The following PFKFB3 variants were observed in gnomAD, a reference collection of about 807,000 sequenced individuals.
The protein encoded by PFKFB3 is 6-phosphofructo-2-kinase/fructose-2,6-bisphosphatase 3.
In PFKFB3, 33 loss-of-function variants were observed where a neutral mutation model predicts 68.0. The observed-to-expected ratio is 0.49, with a 90% CI of 0.37 to 0.65. The LOEUF (loss-of-function observed/expected upper bound fraction) is 0.65. Ranked by LOEUF, PFKFB3 falls within the 30% of genes least tolerant of loss-of-function variation. The pLI is 0.00. For missense variants in PFKFB3, 586 were observed against 712.2 expected (o/e 0.82, Z 2.02); for synonymous variants, 315 against 288.2 (o/e 1.09, Z -0.94).
At chr10:6,170,207 A>G (rs1008397876) in intron 1 of PFKFB3, among the ~76,000 whole-genome samples, 1 of 152,210 alleles carries the variant, frequency 6.6e-6, no homozygotes, top group Non-Finnish European at 1.5e-5. Flanking sequence ...AACAGAGGTG[A>G]TGGTGTGTCT....
At chr10:6,182,562 A>G (rs1842746889) in intron 1 of PFKFB3, among the ~76,000 whole-genome samples, 1 of 152,196 alleles carries the variant, frequency 6.6e-6, no homozygotes, top group Non-Finnish European at 1.5e-5. Flanking sequence ...ACTGTGTTTC[A>G]TCACAAGTGC....
At chr10:6,291,749 A>C in the PFKFB3 span, among the ~76,000 whole-genome samples, 1 of 152,142 alleles carries the variant, frequency 6.6e-6, no homozygotes, top group Non-Finnish European at 1.5e-5. Context: ...TGTACATTTC[A>C]GATTAATAGA....
the PFKFB3 span, among the ~76,000 whole-genome samples, chr10:6,273,197 C>T: frequency 3.3e-5 from 5 of 151,836 alleles, no homozygotes; most frequent in African/African-American, 7.3e-5. Context: ...TCAGTAGAGA[C>T]GGGGTTTGCT....
chr10:6,315,797 AT>A, the PFKFB3 span, among the ~76,000 whole-genome samples: 2 of 152,146 alleles, frequency 1.3e-5, no homozygotes, highest in Non-Finnish European at 2.9e-5. Flanking sequence ...TGTCCCTAGT[AT>A]TTTCTGATTA....
intron 1 of PFKFB3, among the ~76,000 whole-genome samples, chr10:6,211,352 G>T (rs998670095): frequency 6.6e-6 from 1 of 152,208 alleles, no homozygotes; most frequent in African/African-American, 2.4e-5. Context: ...AATATTCTGC[G>T]TATGTGCACA....
At chr10:6,288,645 A>G in the PFKFB3 span, among the ~76,000 whole-genome samples, 2 of 151,670 alleles carry the variant, frequency 1.3e-5, no homozygotes, top group South Asian at 2.1e-4. Flanking sequence ...GCTATTGTGA[A>G]TAGTGCCACA....
intron 1 of PFKFB3, among the ~76,000 whole-genome samples, chr10:6,173,043 G>T (rs1312554840): frequency 1.3e-5 from 2 of 152,060 alleles, no homozygotes; most frequent in Non-Finnish European, 2.9e-5. Flanking sequence ...TTCCCTTCAT[G>T]GTTTGGCCTG....
intron 1 of PFKFB3, among the ~76,000 whole-genome samples, chr10:6,173,826 C>T (rs1374456152): frequency 6.6e-6 from 1 of 151,836 alleles, no homozygotes; most frequent in Non-Finnish European, 1.5e-5. Flanking sequence ...CAGTCGGGAG[C>T]CAGTGATTGT....
intron 14 of PFKFB3, among the ~76,000 whole-genome samples, chr10:6,226,761 T>G (rs1471569696): frequency 1.3e-5 from 2 of 152,068 alleles, no homozygotes; most frequent in Non-Finnish European, 2.9e-5. Flanking sequence ...CTCACATAAA[T>G]AACATGGTTA....
chr10:6,198,894 T>C (rs1357281497), upstream of PFKFB3, among the ~76,000 whole-genome samples: 1 of 152,252 alleles, frequency 6.6e-6, no homozygotes, highest in African/African-American at 2.4e-5. Context: ...ACATCTTGGT[T>C]GTTTCCATAT....
At chr10:6,315,046 A>G in the PFKFB3 span, among the ~76,000 whole-genome samples, 1 of 152,214 alleles carries the variant, frequency 6.6e-6, no homozygotes, top group East Asian at 1.9e-4. Flanking sequence ...AAGCCTCCCT[A>G]GAGGCTACCA....
At chr10:6,167,704 C>G (rs1842185094) in intron 1 of PFKFB3, among the ~76,000 whole-genome samples, 1 of 151,632 alleles carries the variant, frequency 6.6e-6, no homozygotes. Context: ...CTGGTGGCCT[C>G]TCTGCTCTGA....
the PFKFB3 span, among the ~76,000 whole-genome samples, chr10:6,302,466 C>A: frequency 7.1e-6 from 1 of 141,140 alleles, no homozygotes; most frequent in Non-Finnish European, 1.5e-5. Flanking sequence ...ACTGCAACCT[C>A]CACTTCCTGG....
the PFKFB3 span, among the ~76,000 whole-genome samples, chr10:6,307,115 G>A: frequency 1.3e-5 from 2 of 152,092 alleles, no homozygotes; most frequent in Non-Finnish European, 1.5e-5. Context: ...CCTCCAGCAG[G>A]CGGCCTCCAG....
chr10:6,294,815 A>G, the PFKFB3 span: 1 of 152,180 alleles, frequency 6.6e-6, no homozygotes, highest in Non-Finnish European at 1.5e-5. Flanking sequence ...CTCTGCCTCC[A>G]TTTCCCATCT....
the PFKFB3 span, among the ~76,000 whole-genome samples, chr10:6,319,641 A>T: frequency 6.6e-6 from 1 of 151,534 alleles, no homozygotes; most frequent in Non-Finnish European, 1.5e-5. Flanking sequence ...CTGTAAAAAT[A>T]ATTGTAAAAA....
chr10:6,243,195 G>A (rs949472123), intron 14 of PFKFB3, among the ~76,000 whole-genome samples: 10 of 152,164 alleles, frequency 6.6e-5, no homozygotes, highest in African/African-American at 1.9e-4. Context: ...GCTCCAGAGC[G>A]CGTTTCATTA....
downstream of PFKFB3, among the ~76,000 whole-genome samples, chr10:6,259,196 C>T (rs200975654): frequency 3.0e-5 from 4 of 135,012 alleles, no homozygotes; most frequent in Admixed American, 7.4e-5. Context: ...TCCATCCATC[C>T]ATCCATCCAT....
chr10:6,188,450 A>AT (rs1049005226), intron 1 of PFKFB3, among the ~76,000 whole-genome samples: 1 of 150,668 alleles, frequency 6.6e-6, no homozygotes, highest in African/African-American at 2.4e-5. Flanking sequence ...GCAGGCACTG[A>AT]TTTTTTTTTA....
Sources: gnomAD v4.1 joint callset for allele counts (sites outside exome capture counted in the v4.1 genomes callset) on GRCh38, gnomAD v4.1.1 for gene constraint, MANE v1.5 for transcripts, NCBI Gene and HGNC (gene_info 2026-07-23, HGNC 2026-07-21) for gene names.